Variants in DDC observed in about 807,000 individuals in gnomAD.
DDC encodes dopa decarboxylase.
In DDC, 43 loss-of-function variants were observed where a neutral mutation model predicts 60.0. The ratio of observed to expected loss-of-function variants is 0.72; its 90% CI spans 0.56 to 0.92. The LOEUF is 0.92. DDC is among the 40% of genes least tolerant of loss of function. The probability of loss-of-function intolerance (pLI) is 0.00; values close to 1 mark genes in which losing one functional copy is unlikely to be tolerated. For missense variants in DDC, 573 were observed against 620.2 expected (o/e 0.92, Z 0.81); for synonymous variants, 232 against 234.6 (o/e 0.99, Z 0.10).
At chr7:50,526,248 A>T (rs547493343) in intron 6 of DDC, among the ~76,000 whole-genome samples, 1 of 152,260 alleles carries the variant, frequency 6.6e-6, no homozygotes, top group Non-Finnish European at 1.5e-5. Flanking sequence ...TACAACTGAC[A>T]TCTCAACAGA....
intron 1 of DDC, among the ~76,000 whole-genome samples, chr7:50,559,428 CTT>C (rs60591197): frequency 2.8e-5 from 4 of 143,278 alleles, no homozygotes; most frequent in Admixed American, 1.4e-4. Context: ...CAGAACATTT[CTT>C]TTTTTTTTTT....
chr7:50,466,228 G>A (rs189121146), intron 13 of DDC, among the ~76,000 whole-genome samples: 37 of 152,306 alleles, frequency 2.4e-4, no homozygotes, highest in African/African-American at 8.4e-4. Context: ...AGTGGCTCAC[G>A]CCTGTAATCC....
At position 50,539,942 on chromosome 7, in the gene DDC, C is replaced by A. The variant is rs781562690; in HGVS notation, c.288G>T (p.Gly96=). 5 of 1,613,954 alleles carry A rather than the reference C, an allele frequency of 3.1e-6. No homozygotes were observed. The highest frequency in any genetic ancestry group is 4.2e-6 in the Non-Finnish European group (5 of 1,179,948). ...YPAMLADMLC[G]AIGCIGFSWA... Reference sequence around the variant, plus strand: ...AGGAGAAGCCGATGCAGCCAATGGCCCCGCACAGCATGTCCGCAAGCATGG... The same window carrying A: ...AGGAGAAGCCGATGCAGCCAATGGCACCGCACAGCATGTCCGCAAGCATGG... Residue 96 remains glycine (G), a synonymous_variant, in exon 3 of 15, where the codon GGG becomes GGT. Coordinates refer to ENST00000444124, the MANE Select transcript of DDC (RefSeq NM_001082971.2).
intron 11 of DDC, among the ~76,000 whole-genome samples, chr7:50,473,035 G>A (rs1407142408): frequency 1.3e-5 from 2 of 152,208 alleles, no homozygotes; most frequent in African/African-American, 4.8e-5. Flanking sequence ...ACATTTGCCT[G>A]GAATTCACAT....
At chr7:50,510,257 G>A (rs774999448) in intron 6 of DDC, among the ~76,000 whole-genome samples, 4 of 152,056 alleles carry the variant, frequency 2.6e-5, no homozygotes, top group South Asian at 2.1e-4. Flanking sequence ...TTACAGGTGT[G>A]AGCCACCGCA....
intron 7 of DDC, among the ~76,000 whole-genome samples, chr7:50,499,834 A>G (rs549910829): frequency 1.1e-4 from 17 of 152,242 alleles, no homozygotes; most frequent in African/African-American, 4.1e-4. Flanking sequence ...GAGCTGGGAG[A>G]GCCACAGATG....
intron 14 of DDC, among the ~76,000 whole-genome samples, chr7:50,460,858 C>T (rs2042257505): frequency 6.6e-6 from 1 of 151,238 alleles, no homozygotes; most frequent in Admixed American, 6.6e-5. Context: ...GCAGCATGCT[C>T]GTTAAGAGTC....
At chr7:50,521,281 A>C (rs991784784) in intron 6 of DDC, among the ~76,000 whole-genome samples, 5 of 152,292 alleles carry the variant, frequency 3.3e-5, no homozygotes, top group Admixed American at 3.3e-4. Context: ...ATGGTGCTAC[A>C]TCTATTTTAA....
rs60571984 is a variant in DDC at position 50,493,400 on chromosome 7, A to G, written c.944+1950T>C. 2.1e-3 allele frequency among the ~76,000 whole-genome samples: 319 copies of G among 152,238 alleles called. 1 individual carries two copies. The highest frequency in any genetic ancestry group is 7.3e-3 in the African/African-American group (305 of 41,538). On this transcript the variant is annotated intron_variant, in intron 9 of 14. Coordinates refer to ENST00000444124, the MANE Select transcript of DDC (RefSeq NM_001082971.2). Reference sequence around the variant, plus strand: ...GAGGACGCCTGCCCCTTGCAAAACAAAAGCATGTAGGGAGAGCCACTTGTT... The same window carrying G: ...GAGGACGCCTGCCCCTTGCAAAACAGAAGCATGTAGGGAGAGCCACTTGTT...
chr7:50,483,727 C>T (rs925082390), intron 9 of DDC, among the ~76,000 whole-genome samples: 2 of 151,872 alleles, frequency 1.3e-5, no homozygotes, highest in Admixed American at 6.6e-5. Flanking sequence ...ACAGTGAAAC[C>T]CCGTCTCTAC....
intron 11 of DDC, among the ~76,000 whole-genome samples, chr7:50,471,817 AC>A (rs2153534633): frequency 6.6e-6 from 1 of 152,174 alleles, no homozygotes; most frequent in East Asian, 1.9e-4. Context: ...TAAAAGAAGA[AC>A]CCCTTATCCC....
At chr7:50,562,948 C>A (rs1211039212) in intron 1 of DDC, among the ~76,000 whole-genome samples, 1 of 152,142 alleles carries the variant, frequency 6.6e-6, no homozygotes, top group African/African-American at 2.4e-5. Context: ...GGGCACATCA[C>A]CTGAGGTCAG....
At chr7:50,502,922 T>G (rs2043294552) in intron 7 of DDC, among the ~76,000 whole-genome samples, 1 of 152,216 alleles carries the variant, frequency 6.6e-6, no homozygotes, top group South Asian at 2.1e-4. Flanking sequence ...GATCCTGGGC[T>G]GCACCCTAGC....
chr7:50,479,024 T>G lies in DDC; in HGVS notation c.1021+763A>C, dbSNP rs187781701. On this transcript the variant is annotated intron_variant, in intron 10 of 14. Coordinates refer to ENST00000444124, the MANE Select transcript of DDC (RefSeq NM_001082971.2). ...CCTCACCAGCGTTGTGACAGAATTTTCAGTTATCAAAAAAATTCTATTTAT... is the reference window on the plus strand; with the variant it reads ...CCTCACCAGCGTTGTGACAGAATTTGCAGTTATCAAAAAAATTCTATTTAT... Among the ~76,000 whole-genome samples, 320 of 152,322 alleles carry G rather than the reference T, an allele frequency of 2.1e-3. 1 individual carries two copies. The highest frequency in any genetic ancestry group is 7.4e-3 in the African/African-American group (306 of 41,576).
chr7:50,470,258 T>A (rs1019406478), intron 11 of DDC, 87 bp from the exon 12 acceptor site: 1 of 1,014,238 alleles, frequency 9.9e-7, no homozygotes, highest in African/African-American at 1.6e-5. Flanking sequence ...CTATTTCTCT[T>A]GGAGGCAGCC....
At position 50,538,043 on chromosome 7, in the gene DDC, G is replaced by A. The variant is rs960576833; in HGVS notation, c.316-64C>T. On this transcript the variant is annotated intron_variant, in intron 3 of 14. Transcript: ENST00000444124. ...GCATTGCAGAATTTGGGGGTCAGCA[G>A]TAACAAGGGGATTTAACCTTCCACT... The A allele has an allele frequency of 2.9e-4, 471 of 1,598,680 alleles. 1 individual carries two copies. The South Asian group carries it at 3.4e-3, about 11-fold the overall frequency.
chr7:50,486,081 G>A (rs566668820), intron 9 of DDC, among the ~76,000 whole-genome samples: 4 of 152,118 alleles, frequency 2.6e-5, no homozygotes, highest in African/African-American at 4.8e-5. Context: ...GCTAAAATTC[G>A]AGACTACTTC....
intron 9 of DDC, chr7:50,493,098 G>A (rs187941022): frequency 9.8e-7 from 1 of 1,019,958 alleles, no homozygotes; most frequent in Non-Finnish European, 1.5e-6. Context: ...TCTGGTCCCT[G>A]ACCGCTTCAG....
Position 50,499,300 on chromosome 7 carries a change from C to T in DDC, c.782-58G>A, listed in dbSNP as rs2043197084. The T allele has an allele frequency of 7.4e-6, 9 of 1,218,752 alleles. No individual in the cohort carries two copies. In the South Asian group the frequency reaches 1.1e-4, roughly 15 times the overall value. The allele number at this position is 1,218,752 out of a possible 1,614,324, so 75.5% of individuals were successfully genotyped here. ...ATGGATGCCTCACCACGGAGCCTGC[C>T]AGCTGACCTCGCCCTGTCTGAGCAC... On this transcript the variant is annotated intron_variant, in intron 7 of 14. Coordinates refer to ENST00000444124, the MANE Select transcript of DDC (RefSeq NM_001082971.2).
Sources: gnomAD v4.1 joint callset for allele counts (sites outside exome capture counted in the v4.1 genomes callset) on GRCh38, gnomAD v4.1.1 for gene constraint, MANE v1.5 for transcripts, NCBI Gene and HGNC (gene_info 2026-07-23, HGNC 2026-07-21) for gene names.